The following ASPA variants were observed in gnomAD, a reference collection of about 807,000 sequenced individuals.
ASPA encodes ACY-2.
ASPA carries 25 observed loss-of-function variants against 29.6 expected under a neutral mutation model. The ratio of observed to expected loss-of-function variants is 0.85; its 90% CI spans 0.62 to 1.18. The LOEUF is 1.18. Ranked by LOEUF, ASPA falls within the 50% of genes most tolerant of loss-of-function variation. The probability of loss-of-function intolerance (pLI) is 0.00; values close to 1 mark genes in which losing one functional copy is unlikely to be tolerated. For synonymous variants in ASPA, 131 were observed against 130.3 expected (o/e 1.01, Z -0.04); for missense variants, 333 against 385.7 (o/e 0.86, Z 1.14).
upstream of ASPA, among the ~76,000 whole-genome samples, chr17:3,475,083 C>T (rs2073501275): frequency 6.6e-6 from 1 of 152,172 alleles, no homozygotes; most frequent in African/African-American, 2.4e-5. Flanking sequence ...TCTTATTGTA[C>T]CCTCTATCAA....
In ASPA at chr17:3,499,008, T is replaced by C; in HGVS notation, c.862T>C (p.Tyr288His). 1 of 1,614,234 alleles carries C rather than the reference T, an allele frequency of 6.2e-7. No homozygotes were observed. Among genetic ancestry groups the C allele is most frequent in the Non-Finnish European group, 8.5e-7 (1 of 1,180,034 alleles). ...VYPVFVNEAA[Y>H]YEKKEAFAKT... is the part of the protein sequence containing the mutation. ...CCCCGTGTTTGTGAATGAGGCCGCATATTACGAAAAGAAAGAAGCTTTTGC... is the reference window on the plus strand; with the variant it reads ...CCCCGTGTTTGTGAATGAGGCCGCACATTACGAAAAGAAAGAAGCTTTTGC... The change falls in exon 6 of 6, where the codon TAT (tyrosine) becomes CAT (histidine). Residue 288 changes from tyrosine to histidine, a missense_variant. Tyr to His is a moderately conservative substitution (Grantham distance 83). Coordinates refer to ENST00000263080, the MANE Select transcript of ASPA (RefSeq NM_000049.4).
At chr17:3,486,224 G>A (rs978870950) in intron 3 of ASPA, among the ~76,000 whole-genome samples, 41 of 152,118 alleles carry the variant, frequency 2.7e-4, no homozygotes, top group Admixed American at 1.6e-3. Context: ...GTGAGCCACC[G>A]CACCCGGCTG....
chr17:3,483,698 T>TG, intron 3 of ASPA, 106 bp downstream of exon 3: 5 of 1,137,328 alleles, frequency 4.4e-6, no homozygotes, highest in Non-Finnish European at 5.2e-6. Context: ...AGTCTTGCTC[T>TG]GTCACCCAGG....
intron 1 of ASPA, among the ~76,000 whole-genome samples, chr17:3,481,120 C>T (rs1438622985): frequency 6.6e-6 from 1 of 152,048 alleles, no homozygotes; most frequent in Non-Finnish European, 1.5e-5. Flanking sequence ...AGAATCCTGT[C>T]TCAAAAAATT....
In ASPA at chr17:3,490,056, A is replaced by C. The variant is rs1466383401; in HGVS notation, c.634+714A>C. ...GCAGACCAAGACATTCAGTACACCA[A>C]TTGGCTTTAAAATAACAATAATAAT... On this transcript the variant is annotated intron_variant, in intron 4 of 5. Coordinates refer to ENST00000263080, the MANE Select transcript of ASPA (RefSeq NM_000049.4). This position sits in a 1 kb window ranked among gnomAD's most constrained non-coding sequence, Gnocchi z 4.6. Among the ~76,000 whole-genome samples, 1 of 152,178 alleles carries C rather than the reference A, an allele frequency of 6.6e-6. No homozygotes were observed. Among genetic ancestry groups the C allele is most frequent in the Non-Finnish European group, 1.5e-5 (1 of 68,030 alleles).
chr17:3,476,087 T>A lies in ASPA; in HGVS notation c.-73T>A. ...AAAGTCTCATTTACATTTCTAAACCTTTCTTAAGAAAATCGAATTTCCTTT... is the reference window on the plus strand; with the variant it reads ...AAAGTCTCATTTACATTTCTAAACCATTCTTAAGAAAATCGAATTTCCTTT... On this transcript the variant is annotated 5_prime_UTR_variant, in exon 1 of 6. Coordinates refer to ENST00000263080, the MANE Select transcript of ASPA (RefSeq NM_000049.4). 7.1e-7 allele frequency: 1 copy of A among 1,406,498 alleles called. No individual in the cohort carries two copies. The highest frequency in any genetic ancestry group is 1.0e-6 in the Non-Finnish European group (1 of 999,690). The allele number at this position is 1,406,498 out of a possible 1,614,324, so 87.1% of individuals were successfully genotyped here.
rs768079252 is a variant in ASPA at position 3,481,634 on chromosome 17, G to A, written c.268G>A (p.Val90Met). 8 of 1,613,778 alleles carry A rather than the reference G, an allele frequency of 5.0e-6. No individual in the cohort carries two copies. The highest frequency in any genetic ancestry group is 1.7e-5 in the Admixed American group (1 of 59,986). The part of the protein sequence containing the change: ...KKMSEDLPYE[V>M]RRAQEINHLF... ...AATGTCAGAAGATTTGCCATATGAA[G>A]TGAGAAGGGCTCAAGAAATAAATCA... is the stretch of plus-strand genomic sequence containing the variant. Residue 90 changes from valine to methionine, a missense_variant, in exon 2 of 6, where the codon GTG (valine) becomes ATG (methionine). Val to Met is a conservative substitution (Grantham distance 21). Coordinates refer to ENST00000263080, the MANE Select transcript of ASPA (RefSeq NM_000049.4).
chr17:3,489,144 A>G (rs1350993644), intron 3 of ASPA, 91 bp from the exon 4 acceptor site: 2 of 827,094 alleles, frequency 2.4e-6, no homozygotes, highest in African/African-American at 1.7e-5. Flanking sequence ...TTTTAACAAC[A>G]TAATTCTAAA....
intron 4 of ASPA, among the ~76,000 whole-genome samples, chr17:3,493,358 C>T (rs1009384803): frequency 1.3e-5 from 2 of 151,972 alleles, no homozygotes; most frequent in East Asian, 1.9e-4. Context: ...GTCAAGAAAT[C>T]GAGACCATCC....
chr17:3,482,452 C>T (rs1353270708), intron 2 of ASPA, among the ~76,000 whole-genome samples: 1 of 152,316 alleles, frequency 6.6e-6, no homozygotes, highest in Non-Finnish European at 1.5e-5. Flanking sequence ...TTTCTGTGTA[C>T]TAGATAGCCT....
At chr17:3,477,697 G>C (rs990628779) in intron 1 of ASPA, among the ~76,000 whole-genome samples, 1 of 152,022 alleles carries the variant, frequency 6.6e-6, no homozygotes, top group Non-Finnish European at 1.5e-5. Flanking sequence ...CAGGTGATCT[G>C]CCTGCCTCAG....
In ASPA at chr17:3,490,578, G is replaced by A. The variant is rs925504908; in HGVS notation, c.634+1236G>A. Among the ~76,000 whole-genome samples the A allele has an allele frequency of 4.6e-5, 7 of 152,080 alleles. No homozygotes were observed. On this transcript the variant is annotated intron_variant, in intron 4 of 5. Transcript: ENST00000263080. This position sits in a 1 kb window ranked among gnomAD's most constrained non-coding sequence, Gnocchi z 4.6. The stretch of plus-strand genomic sequence containing the variant: ...AATCACAGACATTCGTTTTGTGCTT[G>A]GGAATCCTTTGACTCCAAAATCATG...
In ASPA at chr17:3,485,845, C is replaced by T. The variant is rs1183077513; in HGVS notation, c.526+2253C>T. ...ATAGCAGAGTGTCAGCATTTCTGCA[C>T]CATTACCCAAGCTCCAGTTCCCACA... On this transcript the variant is annotated intron_variant, in intron 3 of 5. Transcript: ENST00000263080. The surrounding 1 kb of genome is among the most constrained non-coding windows in gnomAD (Gnocchi z 4.4). 6.6e-6 allele frequency among the ~76,000 whole-genome samples: 1 copy of T among 151,982 alleles called. No individual in the cohort carries two copies. The highest frequency in any genetic ancestry group is 1.5e-5 in the Non-Finnish European group (1 of 68,002).
In ASPA at chr17:3,487,333, A is replaced by C. The variant is rs141145605; in HGVS notation, c.527-1902A>C. 6.7e-3 allele frequency among the ~76,000 whole-genome samples: 1,015 copies of C among 152,326 alleles called. 4 individuals carry two copies. Among genetic ancestry groups the C allele is most frequent in the Non-Finnish European group, 0.011 (780 of 68,014 alleles). ...GTGAGTGCATGATATAAAATATTCC[A>C]AATAAAACAGCAAAGTTGGAAGGAG... On this transcript the variant is annotated intron_variant, in intron 3 of 5. Transcript: ENST00000263080.
At chr17:3,498,482 G>A (rs2073944961) in intron 5 of ASPA, among the ~76,000 whole-genome samples, 1 of 151,844 alleles carries the variant, frequency 6.6e-6, no homozygotes, top group African/African-American at 2.4e-5. Flanking sequence ...TGAGTATCTG[G>A]GACTACAGGC....
intron 1 of ASPA, among the ~76,000 whole-genome samples, chr17:3,479,350 C>T (rs1023121893): frequency 9.2e-5 from 14 of 152,142 alleles, no homozygotes; most frequent in Admixed American, 6.5e-4. Flanking sequence ...CCAAAATTGT[C>T]GGGCGCGACC....
chr17:3,496,883 G>A (rs902166087), intron 5 of ASPA, among the ~76,000 whole-genome samples: 5 of 152,080 alleles, frequency 3.3e-5, no homozygotes, highest in South Asian at 4.2e-4. Context: ...TGGCTAACAC[G>A]GTGAAACCCC....
chr17:3,483,717 C>T (rs1459868455), intron 3 of ASPA, 125 bp downstream of exon 3: 3 of 911,942 alleles, frequency 3.3e-6, no homozygotes, highest in African/African-American at 1.7e-5. Context: ...GGCTGGAGTC[C>T]GATGGTGTGA....
In ASPA at chr17:3,485,662, G is replaced by A. The variant is rs2073705536; in HGVS notation, c.526+2070G>A. ...TTGTGCTACCAGTGACCTACTCCAGGTTGTTTTCTGACCCTCTCCTTATCA... is the reference window on the plus strand; with the variant it reads ...TTGTGCTACCAGTGACCTACTCCAGATTGTTTTCTGACCCTCTCCTTATCA... On this transcript the variant is annotated intron_variant, in intron 3 of 5. Coordinates refer to ENST00000263080, the MANE Select transcript of ASPA (RefSeq NM_000049.4). The surrounding 1 kb of genome is among the most constrained non-coding windows in gnomAD (Gnocchi z 4.4). Among the ~76,000 whole-genome samples, 1 of 152,190 alleles carries A rather than the reference G, an allele frequency of 6.6e-6. No homozygotes were observed. The highest frequency in any genetic ancestry group is 2.4e-5 in the African/African-American group (1 of 41,450).
Sources: gnomAD v4.1 joint callset for allele counts (sites outside exome capture counted in the v4.1 genomes callset) on GRCh38, gnomAD v4.1.1 for gene constraint, Gnocchi (gnomAD v3.1) non-coding constraint, MANE v1.5 for transcripts, NCBI Gene and HGNC (gene_info 2026-07-23, HGNC 2026-07-21) for gene names.